HACD4: variants seen among roughly 807,000 people sequenced by gnomAD.
HACD4 encodes 3-hydroxyacyl-CoA dehydratase 4, also known as very-long-chain (3R)-3-hydroxyacyl-CoA dehydratase 4.
In HACD4, 35 loss-of-function variants were observed where a neutral mutation model predicts 33.3. That is an observed-to-expected ratio of 1.05 (90% confidence interval 0.80 to 1.39). The LOEUF (loss-of-function observed/expected upper bound fraction) is 1.39, where lower values mean the gene tolerates loss of function less well. Among genes scored for constraint, HACD4 ranks in the 40% most tolerant of loss-of-function variants. The probability of loss-of-function intolerance (pLI) is 0.00; values close to 1 mark genes in which losing one functional copy is unlikely to be tolerated. For missense variants in HACD4, 323 were observed against 276.5 expected (o/e 1.17, Z -1.19); for synonymous variants, 118 against 98.0 (o/e 1.20, Z -1.21).
chr9:21,022,840 C>T (rs1435588504), intron 3 of HACD4, among the ~76,000 whole-genome samples: 2 of 151,880 alleles, frequency 1.3e-5, no homozygotes, highest in African/African-American at 4.8e-5. Context: ...ACTAGAAATA[C>T]CATTTGACCC....
intron 2 of HACD4, among the ~76,000 whole-genome samples, chr9:21,027,351 G>C (rs959514889): frequency 6.6e-6 from 1 of 152,158 alleles, no homozygotes; most frequent in Non-Finnish European, 1.5e-5. Flanking sequence ...GAGCTGAAAT[G>C]GAAGGGAAAC....
In HACD4 at chr9:21,001,728, T is replaced by G. The variant is rs1333565516; in HGVS notation, c.*5309A>C. ...CAGTGAGCTCACATATTCAAAGTGT[T>G]AGGAAAAAAATATATCATCAACCAC... On this transcript the variant is annotated 3_prime_UTR_variant, in exon 7 of 7. Coordinates refer to ENST00000495827, the MANE Select transcript of HACD4 (RefSeq NM_001010915.5). 16 of 152,078 alleles carry G rather than the reference T, an allele frequency of 1.1e-4. No homozygotes were observed. The highest frequency in any genetic ancestry group is 1.0e-3 in the Admixed American group (16 of 15,260). The allele number at this position is 152,078 out of a possible 1,614,324, so 9.4% of individuals were successfully genotyped here. A position where few individuals can be genotyped will look rare whatever the true frequency, so the allele number is the denominator to read the frequency against.
intron 2 of HACD4, among the ~76,000 whole-genome samples, chr9:21,027,834 C>G (rs1367682940): frequency 6.6e-6 from 1 of 152,174 alleles, no homozygotes; most frequent in East Asian, 1.9e-4. Context: ...AGGATAATAA[C>G]TGAGAAAGAA....
chr9:21,008,572 A>G (rs1298005896), intron 5 of HACD4, among the ~76,000 whole-genome samples: 1 of 152,154 alleles, frequency 6.6e-6, no homozygotes, highest in Non-Finnish European at 1.5e-5. Context: ...ATAAAAAAAT[A>G]CCACCTAGCC....
At chr9:21,030,967 A>C (rs2132809909) in intron 1 of HACD4, among the ~76,000 whole-genome samples, 1 of 152,326 alleles carries the variant, frequency 6.6e-6, no homozygotes, top group East Asian at 1.9e-4. Context: ...AACCTCCTAG[A>C]AACAAGGAAA....
intron 1 of HACD4, among the ~76,000 whole-genome samples, chr9:21,030,450 AATAAAAAAT>A (rs1338837369): frequency 6.6e-6 from 1 of 151,706 alleles, no homozygotes; most frequent in African/African-American, 2.4e-5. Context: ...CTCAAAAATA[AATAAAAAAT>A]AAAAAACAAA....
At chr9:21,013,807 A>G (rs752351310) in intron 4 of HACD4, among the ~76,000 whole-genome samples, 1 of 152,232 alleles carries the variant, frequency 6.6e-6, no homozygotes, top group Non-Finnish European at 1.5e-5. Context: ...AATTGCAAAT[A>G]TATAAAAATA....
chr9:21,010,456 A>ATACC (rs1353043927), intron 5 of HACD4, among the ~76,000 whole-genome samples: 1 of 105,006 alleles, frequency 9.5e-6, no homozygotes, highest in African/African-American at 4.4e-5. Flanking sequence ...ACATCCTGGT[A>ATACC]CCCCCCCCCC....
chr9:21,007,744 C>T (rs528565254), intron 6 of HACD4, among the ~76,000 whole-genome samples: 2 of 152,294 alleles, frequency 1.3e-5, no homozygotes, highest in Non-Finnish European at 2.9e-5. Context: ...TACCTGTGCA[C>T]ATGGTCAAAA....
intron 3 of HACD4, 48 bp downstream of exon 3, chr9:21,026,548 A>C (rs1218616740): frequency 3.3e-6 from 5 of 1,496,300 alleles, no homozygotes; most frequent in African/African-American, 1.4e-5. Flanking sequence ...AAAGAGAAAA[A>C]ATGTAAAAAT....
chr9:21,001,665 T>C lies in HACD4; in HGVS notation c.*5372A>G, dbSNP rs1238170811. 6.6e-6 allele frequency: 1 copy of C among 152,112 alleles called. No individual in the cohort carries two copies. Among genetic ancestry groups the C allele is most frequent in the African/African-American group, 2.4e-5 (1 of 41,438 alleles). 9.4% of individuals were successfully genotyped at this position (152,112 alleles called of 1,614,324 possible). ...ACATATAAGTGATCCTTAATAAGAT[T>C]ATCAGATTTCTCATCAGAAACTTTG... On this transcript the variant is annotated 3_prime_UTR_variant, in exon 7 of 7. Coordinates refer to ENST00000495827, the MANE Select transcript of HACD4 (RefSeq NM_001010915.5).
Position 21,002,500 on chromosome 9 carries a change from A to T in HACD4, c.*4537T>A, listed in dbSNP as rs1169929234. Reference sequence around the variant, plus strand: ...ATGATTACATTTATATGAGGTACTTAGAGCAATCAAAATCATAGAGACAAA... The same window carrying T: ...ATGATTACATTTATATGAGGTACTTTGAGCAATCAAAATCATAGAGACAAA... On this transcript the variant is annotated 3_prime_UTR_variant, in exon 7 of 7. Coordinates refer to ENST00000495827, the MANE Select transcript of HACD4 (RefSeq NM_001010915.5). The T allele has an allele frequency of 6.6e-6, 1 of 152,168 alleles. No individual in the cohort carries two copies. Among genetic ancestry groups the T allele is most frequent in the Non-Finnish European group, 1.5e-5 (1 of 68,006 alleles). 9.4% of individuals were successfully genotyped at this position (152,168 alleles called of 1,614,324 possible).
intron 3 of HACD4, among the ~76,000 whole-genome samples, chr9:21,024,154 T>C (rs962586181): frequency 6.6e-6 from 1 of 152,256 alleles, no homozygotes; most frequent in Admixed American, 6.5e-5. Flanking sequence ...CAAAGGCATG[T>C]TTCTGAACCT....
chr9:21,029,461 C>A, intron 1 of HACD4, 63 bp from the exon 2 acceptor site: 1 of 1,056,464 alleles, frequency 9.5e-7, no homozygotes, highest in Non-Finnish European at 1.4e-6. Context: ...TCACTGTACA[C>A]ATGCCCTTTA....
Position 21,000,742 on chromosome 9 carries a change from T to C in HACD4, c.*6295A>G, listed in dbSNP as rs1327741149. ...AAGATAGATACTGGGTAAAGGAAGA[T>C]AATTTTTAGCATATTTTAACCTTAA... On this transcript the variant is annotated 3_prime_UTR_variant, in exon 7 of 7. Coordinates refer to ENST00000495827, the MANE Select transcript of HACD4 (RefSeq NM_001010915.5). 1 of 152,168 alleles carries C rather than the reference T, an allele frequency of 6.6e-6. No individual in the cohort carries two copies. The highest frequency in any genetic ancestry group is 2.4e-5 in the African/African-American group (1 of 41,464). 9.4% of individuals were successfully genotyped at this position (152,168 alleles called of 1,614,324 possible).
At chr9:21,014,123 A>G (rs924104673) in intron 4 of HACD4, among the ~76,000 whole-genome samples, 4 of 152,182 alleles carry the variant, frequency 2.6e-5, no homozygotes, top group African/African-American at 9.6e-5. Flanking sequence ...ATTACTTAGG[A>G]AAAATAATGC....
chr9:21,010,563 C>T (rs1020656497), intron 5 of HACD4, among the ~76,000 whole-genome samples: 3 of 150,222 alleles, frequency 2.0e-5, no homozygotes, highest in Non-Finnish European at 2.9e-5. Context: ...AGACAGCAGT[C>T]CCCAACCTTT....
At chr9:21,010,831 T>C (rs959351081) in intron 5 of HACD4, among the ~76,000 whole-genome samples, 5 of 152,092 alleles carry the variant, frequency 3.3e-5, no homozygotes, top group Non-Finnish European at 7.4e-5. Flanking sequence ...TAGATTCTCA[T>C]AAGGAGCACA....
intron 3 of HACD4, among the ~76,000 whole-genome samples, chr9:21,017,606 C>G (rs1479272402): frequency 6.6e-6 from 1 of 152,042 alleles, no homozygotes; most frequent in Non-Finnish European, 1.5e-5. Context: ...TTAGGAAAAC[C>G]TTCTGGTTTT....
Sources: allele counts gnomAD v4.1 joint callset (sites outside exome capture counted in the v4.1 genomes callset), GRCh38; gene constraint gnomAD v4.1.1; transcripts MANE v1.5; gene names NCBI Gene and HGNC (gene_info 2026-07-23, HGNC 2026-07-21).